Variants in DCLK1 observed in about 807,000 individuals in gnomAD.
DCLK1 encodes serine/threonine-protein kinase DCLK1.
In DCLK1, 16 loss-of-function variants were observed where a neutral mutation model predicts 86.2. That is an observed-to-expected ratio of 0.19 (90% CI 0.13 to 0.28). The LOEUF (loss-of-function observed/expected upper bound fraction) is 0.28. Ranked by LOEUF, DCLK1 falls within the 10% of genes least tolerant of loss-of-function variation. The pLI, the probability that DCLK1 is intolerant of heterozygous loss-of-function variation, is 1.00. For synonymous variants in DCLK1, 369 were observed against 370.5 expected (o/e 1.00, Z 0.05); for missense variants, 590 against 940.2 (o/e 0.63, Z 4.87).
At chr13:35,790,960 G>A (rs955084246) in intron 16 of DCLK1, among the ~76,000 whole-genome samples, 1 of 152,168 alleles carries the variant, frequency 6.6e-6, no homozygotes, top group Non-Finnish European at 1.5e-5. Context: ...GTATCACAAT[G>A]AAGGTGGCCA....
intron 3 of DCLK1, among the ~76,000 whole-genome samples, chr13:35,968,604 G>A (rs770231368): frequency 6.6e-6 from 1 of 152,118 alleles, no homozygotes; most frequent in Non-Finnish European, 1.5e-5. Context: ...TAGCCCACCT[G>A]ACTGTTGATC....
chr13:36,101,963 G>A (rs1328324466), intron 3 of DCLK1, among the ~76,000 whole-genome samples: 3 of 151,976 alleles, frequency 2.0e-5, no homozygotes, highest in Admixed American at 1.3e-4. Flanking sequence ...GGCTGGTCTC[G>A]AACTCCTGAT....
At chr13:35,891,443 T>C (rs1238030682) in intron 4 of DCLK1, among the ~76,000 whole-genome samples, 1 of 152,206 alleles carries the variant, frequency 6.6e-6, no homozygotes, top group Non-Finnish European at 1.5e-5. Flanking sequence ...TTTATAAATA[T>C]AGGATGTTTC....
At chr13:36,057,257 A>G (rs77167447) in intron 3 of DCLK1, among the ~76,000 whole-genome samples, 4,535 of 152,216 alleles carry the variant, frequency 0.03, 231 homozygotes, top group African/African-American at 0.1. Context: ...TAGCAACACC[A>G]GTCGTCCCAC....
chr13:36,011,948 C>T (rs1381383844), intron 3 of DCLK1, among the ~76,000 whole-genome samples: 5 of 150,266 alleles, frequency 3.3e-5, no homozygotes, highest in East Asian at 1.9e-4. Flanking sequence ...TAGTTAGCTC[C>T]TCTTGTTGAA....
intron 5 of DCLK1, among the ~76,000 whole-genome samples, chr13:35,860,068 A>T (rs1047374613): frequency 1.3e-5 from 2 of 152,202 alleles, no homozygotes; most frequent in Non-Finnish European, 2.9e-5. Context: ...TTCTTTTAGC[A>T]CTTAAGGAGG....
At chr13:35,980,914 T>A (rs953504350) in intron 3 of DCLK1, among the ~76,000 whole-genome samples, 13 of 152,086 alleles carry the variant, frequency 8.5e-5, no homozygotes, top group African/African-American at 3.1e-4. Flanking sequence ...CACAATGGCC[T>A]CCCAAGGTGC....
At chr13:35,942,768 T>C (rs1262072012) in intron 4 of DCLK1, among the ~76,000 whole-genome samples, 2 of 152,192 alleles carry the variant, frequency 1.3e-5, no homozygotes, top group African/African-American at 4.8e-5. Flanking sequence ...AATGCACTGT[T>C]GAAATTCTCA....
intron 15 of DCLK1, among the ~76,000 whole-genome samples, chr13:35,798,281 T>C (rs191634727): frequency 2.6e-5 from 4 of 152,320 alleles, no homozygotes; most frequent in Admixed American, 1.3e-4. Flanking sequence ...CTCGCTTTCC[T>C]CTGGGAAACC....
At chr13:35,976,980 G>C (rs1926322) in intron 3 of DCLK1, among the ~76,000 whole-genome samples, 33,173 of 152,046 alleles carry the variant, frequency 0.22, 3,809 homozygotes, top group Middle Eastern at 0.33. Context: ...GATATAGAGA[G>C]CTTAAGCCTT....
chr13:35,902,325 C>A (rs192174735), intron 4 of DCLK1, among the ~76,000 whole-genome samples: 1 of 152,314 alleles, frequency 6.6e-6, no homozygotes. Flanking sequence ...GATTCTATTT[C>A]TTTGCCACCA....
At position 35,861,853 on chromosome 13, in the gene DCLK1, C is replaced by T. The variant is rs190563460; in HGVS notation, c.941-7260G>A. On this transcript the variant is annotated intron_variant, in intron 5 of 16. Transcript: ENST00000360631. ...CACCCTGGATAACATAGTGAAACCC[C>T]GTCTCTACTAAAAAAAAAAAATACA... Among the ~76,000 whole-genome samples the T allele has an allele frequency of 9.2e-3, 1,388 of 151,426 alleles. 6 individuals carry two copies. The highest frequency in any genetic ancestry group is 0.024 in the Middle Eastern group (7 of 292).
chr13:36,003,794 T>G (rs1047742682), intron 3 of DCLK1, among the ~76,000 whole-genome samples: 2 of 152,208 alleles, frequency 1.3e-5, no homozygotes, highest in African/African-American at 2.4e-5. Context: ...CTGAAAAGAT[T>G]GGAAGGACTG....
intron 5 of DCLK1, among the ~76,000 whole-genome samples, chr13:35,869,618 AT>A (rs1183450413): frequency 6.6e-6 from 1 of 152,096 alleles, no homozygotes; most frequent in Non-Finnish European, 1.5e-5. Context: ...TGTTTTCTGC[AT>A]TTACTTCCTT....
rs147315548 is a variant in DCLK1, at chr13:35,923,593, G to A, written c.823+23765C>T. ...GTGGCACTAAACATAAAGGACACAC[G>A]CTGGCTCAGCCCCTGATTCACCAGT... is the stretch of plus-strand genomic sequence containing the variant. On this transcript the variant is annotated intron_variant, in intron 4 of 16. Transcript: ENST00000360631. 2.9e-3 allele frequency among the ~76,000 whole-genome samples: 441 copies of A among 152,124 alleles called. 6 individuals are homozygous for A. Among genetic ancestry groups the A allele is most frequent in the African/African-American group, 1.0e-2 (414 of 41,494 alleles).
In DCLK1 at chr13:35,772,227, C is replaced by A. The variant is rs371071845; in HGVS notation, c.*2308G>T. The A allele has an allele frequency of 3.9e-5, 6 of 152,378 alleles. No individual in the cohort carries two copies. The highest frequency in any genetic ancestry group is 7.3e-5 in the Non-Finnish European group (5 of 68,104). 9.4% of individuals were successfully genotyped at this position (152,378 alleles called of 1,614,324 possible). A position where few individuals can be genotyped will look rare whatever the true frequency, so the allele number is the denominator to read the frequency against. ...TTCTGCAGTGTGCTGAGAAACACCCCCTAGCTTCACACGGTCCAGAGTCCC... is the reference window on the plus strand; with the variant it reads ...TTCTGCAGTGTGCTGAGAAACACCCACTAGCTTCACACGGTCCAGAGTCCC... On this transcript the variant is annotated 3_prime_UTR_variant, in exon 17 of 17. Transcript: ENST00000360631.
At position 36,045,328 on chromosome 13, in the gene DCLK1, GTGTGTATATATATA is replaced by G. The variant is rs1226252737; in HGVS notation, c.723+66527_723+66540del. Among the ~76,000 whole-genome samples, 44 of 45,228 alleles carry G rather than the reference GTGTGTATATATATA, an allele frequency of 9.7e-4. No individual in the cohort carries two copies. The East Asian group carries it at 0.035, about 36-fold the overall frequency. The allele number at this position is 45,228 out of a possible 152,430, so 29.7% of individuals were successfully genotyped here. ...TATATATGTCTATATATGTGTGTGTGTGTGTATATATATATATATATATATATATATATATATAT... is the reference window on the plus strand; with the variant it reads ...TATATATGTCTATATATGTGTGTGTGTATATATATATATATATATATATAT... On this transcript the variant is annotated intron_variant, in intron 3 of 16. Coordinates refer to ENST00000360631, the MANE Select transcript of DCLK1 (RefSeq NM_001330071.2).
intron 4 of DCLK1, among the ~76,000 whole-genome samples, chr13:35,915,831 C>T (rs75854792): frequency 0.052 from 7,946 of 152,222 alleles, 243 homozygotes; most frequent in South Asian, 0.14. Flanking sequence ...TACTACTTTA[C>T]TTATGTTTTG....
intron 3 of DCLK1, among the ~76,000 whole-genome samples, chr13:35,948,895 C>T (rs1258676312): frequency 3.9e-5 from 6 of 152,122 alleles, no homozygotes; most frequent in Admixed American, 3.9e-4. Flanking sequence ...TAAAAGCAGA[C>T]CATTTGAATT....
Sources: allele counts gnomAD v4.1 joint callset (sites outside exome capture counted in the v4.1 genomes callset), GRCh38; gene constraint gnomAD v4.1.1; transcripts MANE v1.5; gene names NCBI Gene and HGNC (gene_info 2026-07-23, HGNC 2026-07-21).